ERCC8: variants seen among roughly 807,000 people sequenced by gnomAD.
ERCC8 encodes the protein ERCC excision repair 8, CSA ubiquitin ligase complex subunit, also known as DNA excision repair protein ERCC-8.
A neutral mutation model predicts 54.9 loss-of-function variants in ERCC8; 52 were observed. The observed-to-expected ratio is 0.95, with a 90% CI of 0.76 to 1.19. The LOEUF is 1.19. Among genes scored for constraint, ERCC8 ranks in the 50% most tolerant of loss-of-function variants. ERCC8 has a pLI of 0.00. For missense variants in ERCC8, 514 were observed against 466.1 expected, an observed-to-expected ratio of 1.10 and a Z score of -0.95; for synonymous variants, 146 against 157.2, an observed-to-expected ratio of 0.93 and a Z score of 0.53.
At chr5:60,911,857 C>G (rs1325204018) in intron 4 of ERCC8, among the ~76,000 whole-genome samples, 2 of 152,040 alleles carry the variant, frequency 1.3e-5, no homozygotes, top group East Asian at 3.9e-4. Context: ...GAATCCTTTC[C>G]CCATTTCTTG....
intron 2 of ERCC8, among the ~76,000 whole-genome samples, chr5:60,926,301 C>T (rs757163920): frequency 6.6e-6 from 1 of 152,158 alleles, no homozygotes; most frequent in Non-Finnish European, 1.5e-5. Flanking sequence ...TCTTTCTTCA[C>T]TGAGAATGTC....
At chr5:60,887,812 T>C (rs1444822583) in intron 10 of ERCC8, among the ~76,000 whole-genome samples, 1 of 152,206 alleles carries the variant, frequency 6.6e-6, no homozygotes, top group Non-Finnish European at 1.5e-5. Flanking sequence ...ATATTTCTAA[T>C]GTCAGAGAAA....
chr5:60,887,705 T>C (rs1748436895), intron 10 of ERCC8, among the ~76,000 whole-genome samples, 185 bp from the exon 11 acceptor site: 1 of 152,226 alleles, frequency 6.6e-6, no homozygotes, highest in Non-Finnish European at 1.5e-5. Flanking sequence ...GTTTTGTATT[T>C]AAAAATAGTA....
In ERCC8 at chr5:60,938,301, T is replaced by C. The variant is rs372157876; in HGVS notation, c.77+6631A>G. The stretch of plus-strand genomic sequence containing the variant: ...GTTACCATGAATTATTTCCAGTTTC[T>C]ATACCTTATGATCAAAGAATGTGGC... On this transcript the variant is annotated intron_variant, in intron 1 of 11. Transcript: ENST00000676185. 1.9e-3 allele frequency among the ~76,000 whole-genome samples: 280 copies of C among 150,974 alleles called. 1 individual carries two copies. Among genetic ancestry groups the C allele is most frequent in the Non-Finnish European group, 3.0e-3 (205 of 67,724 alleles).
At chr5:60,908,704 CATT>C (rs199574585) in intron 4 of ERCC8, among the ~76,000 whole-genome samples, 1,992 of 151,428 alleles carry the variant, frequency 0.013, 46 homozygotes, top group African/African-American at 0.046. Context: ...AAAGTCATGA[CATT>C]ATAAAAAAAG....
chr5:60,928,270 T>C (rs1199609597), intron 2 of ERCC8, among the ~76,000 whole-genome samples: 1 of 152,218 alleles, frequency 6.6e-6, no homozygotes. Flanking sequence ...GTAATACTGC[T>C]TTTGATTAAT....
Position 60,868,300 on chromosome 5 carries a change from G to C in ERCC8, c.*6315C>G, listed in dbSNP as rs1438009320. 6.6e-6 allele frequency among the ~76,000 whole-genome samples: 1 copy of C among 152,116 alleles called. No homozygotes were observed. Among genetic ancestry groups the C allele is most frequent in the Non-Finnish European group, 1.5e-5 (1 of 68,022 alleles). ...AGAGACAGAATAACTAACCAGGTTGGGACAGAGACACCCATTTCTTTCTAG... is the reference window on the plus strand; with the variant it reads ...AGAGACAGAATAACTAACCAGGTTGCGACAGAGACACCCATTTCTTTCTAG... On this transcript the variant is annotated 3_prime_UTR_variant, in exon 12 of 12. Coordinates refer to ENST00000676185, the MANE Select transcript of ERCC8 (RefSeq NM_000082.4).
At chr5:60,896,055 C>T (rs185490912) in intron 9 of ERCC8, among the ~76,000 whole-genome samples, 271 of 152,210 alleles carry the variant, frequency 1.8e-3, no homozygotes, top group Middle Eastern at 3.4e-3. Context: ...GGCATGCTCT[C>T]GGCTCACCGC....
intron 9 of ERCC8, chr5:60,891,934 T>C (rs776865615): frequency 1.2e-4 from 60 of 516,172 alleles, no homozygotes; most frequent in Non-Finnish European, 2.0e-4. Context: ...AGTCAATTAG[T>C]TACCAACACT....
intron 4 of ERCC8, chr5:60,909,983 A>G (rs1301785344): frequency 1.3e-5 from 2 of 152,050 alleles, no homozygotes; most frequent in Non-Finnish European, 2.9e-5. Flanking sequence ...AATAATAATA[A>G]TAAAAGAATA....
intron 4 of ERCC8, among the ~76,000 whole-genome samples, chr5:60,909,479 G>C (rs529436850): frequency 2.6e-5 from 4 of 152,112 alleles, no homozygotes; most frequent in Admixed American, 2.6e-4. Context: ...TGCTACCCTA[G>C]AGACAGCAAG....
rs1339490540 is a variant in ERCC8 at position 60,866,788 on chromosome 5, G to T, written c.*7827C>A. On this transcript the variant is annotated 3_prime_UTR_variant, in exon 12 of 12. Transcript: ENST00000676185. ...TTTTAAATGCTTTAGAAAATATGAT[G>T]ATTTGTGATTTTAGAGCAGGAATGA... The T allele has an allele frequency of 1.3e-5, 2 of 152,012 alleles. No homozygotes were observed. Among genetic ancestry groups the T allele is most frequent in the Admixed American group, 6.6e-5 (1 of 15,256 alleles). The allele number at this position is 152,012 out of a possible 1,614,324, so 9.4% of individuals were successfully genotyped here. A position where few individuals can be genotyped will look rare whatever the true frequency, so the allele number is the denominator to read the frequency against.
intron 1 of ERCC8, among the ~76,000 whole-genome samples, chr5:60,940,859 T>C (rs2112550435): frequency 6.6e-6 from 1 of 152,292 alleles, no homozygotes; most frequent in African/African-American, 2.4e-5. Flanking sequence ...ACCCAGAGTA[T>C]TCAAAATGTC....
chr5:60,881,658 C>T (rs1480497639), intron 11 of ERCC8, among the ~76,000 whole-genome samples: 3 of 152,182 alleles, frequency 2.0e-5, no homozygotes, highest in African/African-American at 4.8e-5. Context: ...ACCCTCCGAG[C>T]CAGGCGCAGG....
At chr5:60,929,088 G>A (rs1045687687) in intron 1 of ERCC8, 129 bp from the exon 2 acceptor site, 4 of 613,272 alleles carry the variant, frequency 6.5e-6, no homozygotes, top group East Asian at 2.8e-5. Context: ...ACATCCTAAC[G>A]TATTTATAGA....
intron 3 of ERCC8, 61 bp from the exon 4 acceptor site, chr5:60,918,449 AT>A: frequency 2.1e-6 from 3 of 1,458,980 alleles, no homozygotes; most frequent in Non-Finnish European, 2.9e-6. Flanking sequence ...AACTGGTACT[AT>A]ATTAAGAACA....
At position 60,868,958 on chromosome 5, in the gene ERCC8, A is replaced by G. The variant is rs894092550; in HGVS notation, c.*5657T>C. On this transcript the variant is annotated 3_prime_UTR_variant, in exon 12 of 12. Transcript: ENST00000676185. The stretch of plus-strand genomic sequence containing the variant: ...TCCCTGCTATATTTTTCGACAGGCA[A>G]TATTCTAATTGTGCTAGGCTTGCCA... Among the ~76,000 whole-genome samples the G allele has an allele frequency of 2.0e-5, 3 of 152,168 alleles. No individual in the cohort carries two copies. The highest frequency in any genetic ancestry group is 1.5e-5 in the Non-Finnish European group (1 of 68,026).
chr5:60,944,651 C>A (rs1023196692), intron 1 of ERCC8, among the ~76,000 whole-genome samples: 12 of 151,892 alleles, frequency 7.9e-5, no homozygotes, highest in African/African-American at 2.9e-4. Context: ...GAATACAGTA[C>A]AACGAAGTAT....
chr5:60,943,163 T>A (rs1750313961), intron 1 of ERCC8, among the ~76,000 whole-genome samples: 1 of 151,808 alleles, frequency 6.6e-6, no homozygotes, highest in South Asian at 2.1e-4. Context: ...CCCAGCTACT[T>A]AGGAGGATGA....
Sources: gnomAD v4.1 joint callset for allele counts (sites outside exome capture counted in the v4.1 genomes callset) on GRCh38, gnomAD v4.1.1 for gene constraint, MANE v1.5 for transcripts, NCBI Gene and HGNC (gene_info 2026-07-23, HGNC 2026-07-21) for gene names.